RIPK1: variants seen among roughly 807,000 people sequenced by gnomAD.
The protein encoded by RIPK1 is receptor interacting serine/threonine kinase 1, also known as receptor-interacting serine/threonine-protein kinase 1.
In RIPK1, 27 loss-of-function variants were observed where a neutral mutation model predicts 62.4. The observed-to-expected ratio is 0.43, with a 90% CI of 0.32 to 0.60. The LOEUF is 0.60. Among genes scored for constraint, RIPK1 ranks in the 20% least tolerant of loss-of-function variants. The probability of loss-of-function intolerance (pLI) is 0.07; values close to 1 mark genes in which losing one functional copy is unlikely to be tolerated. For missense variants in RIPK1, 735 were observed against 831.0 expected (o/e 0.88, Z 1.42); for synonymous variants, 287 against 303.2 (o/e 0.95, Z 0.55).
In RIPK1 at chr6:3,071,132, T is replaced by C. The variant is rs116598779; in HGVS notation, c.-61+2471T>C. Among the ~76,000 whole-genome samples, 966 of 152,330 alleles carry C rather than the reference T, an allele frequency of 6.3e-3. 9 individuals carry two copies. Among genetic ancestry groups the C allele is most frequent in the African/African-American group, 0.022 (919 of 41,562 alleles). On this transcript the variant is annotated intron_variant, in intron 1 of 10. Coordinates refer to ENST00000259808, the MANE Select transcript of RIPK1 (RefSeq NM_001354930.2). ...CAGGCAAAGCATCAGGCTGCTGTAA[T>C]CAAGGAAGTTGGAGAAATCCTCTGG...
chr6:3,087,055 C>A (rs1759734150), intron 6 of RIPK1, among the ~76,000 whole-genome samples: 1 of 152,242 alleles, frequency 6.6e-6, no homozygotes, highest in Non-Finnish European at 1.5e-5. Context: ...GTTTAGAGAA[C>A]TTTCCTTAAT....
chr6:3,068,825 C>T (rs904435466), intron 1 of RIPK1, 164 bp downstream of exon 1: 1 of 250,818 alleles, frequency 4.0e-6, no homozygotes, highest in Non-Finnish European at 6.3e-6. Context: ...TTCCCTCACC[C>T]GGGCCTCCAG....
At position 3,113,071 on chromosome 6, in the gene RIPK1, C is replaced by A; in HGVS notation, c.1748C>A (p.Thr583Lys). 6.4e-7 allele frequency: 1 copy of A among 1,567,954 alleles called. No individual in the cohort carries two copies. Residue 583 changes from threonine (T) to lysine (K), a missense_variant, in exon 11 of 11, where the codon ACG (threonine) becomes AAG (lysine). This residue lies in a region of RIPK1 where 671 missense variants were observed against 726.2 expected (regional missense o/e 0.92). Coordinates refer to ENST00000259808, the MANE Select transcript of RIPK1 (RefSeq NM_001354930.2). The surrounding 1 kb of genome is among the most constrained non-coding windows in gnomAD (Gnocchi z 5.0). ...QAIFDNTTSL[T>K]DKHLDPIREN... is the part of the protein sequence containing the mutation. ...TTGGCAGATAATACCACTAGTCTGA[C>A]GGATAAACACCTGGACCCAATCAGG...
intron 4 of RIPK1, among the ~76,000 whole-genome samples, chr6:3,082,336 T>A (rs1759435516): frequency 6.6e-6 from 1 of 152,348 alleles, no homozygotes; most frequent in East Asian, 1.9e-4. Flanking sequence ...AATCTGTGAA[T>A]TTTAGGTACT....
chr6:3,080,890 G>A, intron 3 of RIPK1, 89 bp from the exon 4 acceptor site: 1 of 1,329,284 alleles, frequency 7.5e-7, no homozygotes, highest in East Asian at 2.3e-5. Flanking sequence ...TTCTCCTCAG[G>A]CTCAGATCCC....
At chr6:3,080,053 A>C (rs893039951) in intron 3 of RIPK1, among the ~76,000 whole-genome samples, 4 of 152,220 alleles carry the variant, frequency 2.6e-5, no homozygotes, top group African/African-American at 9.6e-5. Flanking sequence ...CCTAAGTCCA[A>C]AGGTATACCA....
intron 9 of RIPK1, among the ~76,000 whole-genome samples, chr6:3,106,288 A>T (rs1011875184): frequency 1.3e-5 from 2 of 152,150 alleles, no homozygotes; most frequent in African/African-American, 4.8e-5. Flanking sequence ...GGTCCTTGTG[A>T]CTGGCAGGCA....
intron 4 of RIPK1, among the ~76,000 whole-genome samples, chr6:3,081,629 G>A (rs1759385101): frequency 6.6e-6 from 1 of 152,100 alleles, no homozygotes; most frequent in Non-Finnish European, 1.5e-5. Context: ...GGGAGGCTGA[G>A]GTGGGCGGAT....
chr6:3,096,601 C>T (rs1760319277), intron 7 of RIPK1, among the ~76,000 whole-genome samples: 1 of 140,618 alleles, frequency 7.1e-6, no homozygotes, highest in African/African-American at 2.7e-5. Flanking sequence ...GCTCTGTCTC[C>T]CAGGCTGGAG....
rs113936798 is a variant in RIPK1 at position 3,098,881 on chromosome 6, C to T, written c.916-5344C>T. Among the ~76,000 whole-genome samples, 804 of 152,316 alleles carry T rather than the reference C, an allele frequency of 5.3e-3. 7 individuals are homozygous for T. The highest frequency in any genetic ancestry group is 0.019 in the African/African-American group (787 of 41,570). On this transcript the variant is annotated intron_variant, in intron 7 of 10. Transcript: ENST00000259808. The stretch of plus-strand genomic sequence containing the variant: ...CAGCCGGGAGCACTGAGCAAATGCC[C>T]CTCAGGCTTGTCCCACGTCAGACTG...
rs112979664 is a variant in RIPK1, at chr6:3,096,550, G to GTT, written c.915+6919_915+6920dup. ...AATGCAATCTCAACCAATATCTCAAGTTTTTTTTTTTTTTTTTTTTTTTTT... is the reference window on the plus strand; with the variant it reads ...AATGCAATCTCAACCAATATCTCAAGTTTTTTTTTTTTTTTTTTTTTTTTTTT... On this transcript the variant is annotated intron_variant, in intron 7 of 10. Coordinates refer to ENST00000259808, the MANE Select transcript of RIPK1 (RefSeq NM_001354930.2). Among the ~76,000 whole-genome samples the GTT allele has an allele frequency of 5.1e-3, 498 of 98,456 alleles. 43 individuals are homozygous for GTT. Among genetic ancestry groups the GTT allele is most frequent in the African/African-American group, 0.013 (329 of 24,990 alleles). The allele number at this position is 98,456 out of a possible 152,430, so 64.6% of individuals were successfully genotyped here.
chr6:3,101,816 AC>A (rs1460437927), intron 7 of RIPK1, among the ~76,000 whole-genome samples: 1 of 152,240 alleles, frequency 6.6e-6, no homozygotes, highest in Non-Finnish European at 1.5e-5. Context: ...CTCTATTTTA[AC>A]CATTTTTAAG....
In RIPK1 at chr6:3,095,446, CTTTGTGTAA is replaced by C. The variant is rs1450156549; in HGVS notation, c.915+5790_915+5798del. 5.9e-5 allele frequency among the ~76,000 whole-genome samples: 9 copies of C among 152,278 alleles called. No homozygotes were observed. The East Asian group carries it at 1.7e-3, about 29-fold the overall frequency. On this transcript the variant is annotated intron_variant, in intron 7 of 10. Coordinates refer to ENST00000259808, the MANE Select transcript of RIPK1 (RefSeq NM_001354930.2). ...AGAAGAGAGAACTCTTCCAGATTCACTTTGTGTAAGCATAACCTTGATTCCCAAAACTGG... is the reference window on the plus strand; with the variant it reads ...AGAAGAGAGAACTCTTCCAGATTCACGCATAACCTTGATTCCCAAAACTGG...
At chr6:3,094,716 A>G (rs1760194125) in intron 7 of RIPK1, among the ~76,000 whole-genome samples, 1 of 152,054 alleles carries the variant, frequency 6.6e-6, no homozygotes, top group African/African-American at 2.4e-5. Context: ...CGCAGAAAGT[A>G]ACTAACAGCG....
chr6:3,073,322 T>C (rs1758857200), intron 1 of RIPK1, among the ~76,000 whole-genome samples: 2 of 151,984 alleles, frequency 1.3e-5, no homozygotes, highest in Admixed American at 1.3e-4. Flanking sequence ...GTATACTTTT[T>C]TTTTCTCATA....
At position 3,113,414 on chromosome 6, in the gene RIPK1, C is replaced by G. The variant is rs1162012950; in HGVS notation, c.*75C>G. ...CCCCAGAAAGTTGGCTGCCTCAGAGCATTCAGAATTCTGTCCTCACTGATA... is the reference window on the plus strand; with the variant it reads ...CCCCAGAAAGTTGGCTGCCTCAGAGGATTCAGAATTCTGTCCTCACTGATA... On this transcript the variant is annotated 3_prime_UTR_variant, in exon 11 of 11. Transcript: ENST00000259808. The surrounding 1 kb of genome is among the most constrained non-coding windows in gnomAD (Gnocchi z 5.0). 2.8e-6 allele frequency: 4 copies of G among 1,428,470 alleles called. No individual in the cohort carries two copies. In the African/African-American group the frequency reaches 5.7e-5, roughly 20 times the overall value. 88.5% of individuals were successfully genotyped at this position (1,428,470 alleles called of 1,614,324 possible).
chr6:3,096,471 G>A lies in RIPK1; in HGVS notation c.915+6814G>A, dbSNP rs374000500. On this transcript the variant is annotated intron_variant, in intron 7 of 10. Coordinates refer to ENST00000259808, the MANE Select transcript of RIPK1 (RefSeq NM_001354930.2). ...AAATATACCATTTACTTTGTGATTC[G>A]GAAGTCACCATAGTACGAAGATGTC... Among the ~76,000 whole-genome samples, 6 of 151,422 alleles carry A rather than the reference G, an allele frequency of 4.0e-5. No homozygotes were observed. In the South Asian group the frequency reaches 8.4e-4, roughly 21 times the overall value.
Position 3,072,953 on chromosome 6 carries a change from G to GC in RIPK1, c.-60-3808dup, listed in dbSNP as rs1387815910. Among the ~76,000 whole-genome samples the GC allele has an allele frequency of 3.9e-5, 6 of 152,146 alleles. No individual in the cohort carries two copies. The highest frequency in any genetic ancestry group is 1.4e-4 in the African/African-American group (6 of 41,418). On this transcript the variant is annotated intron_variant, in intron 1 of 10. Coordinates refer to ENST00000259808, the MANE Select transcript of RIPK1 (RefSeq NM_001354930.2). This position sits in a 1 kb window ranked among gnomAD's most constrained non-coding sequence, Gnocchi z 5.6. The stretch of plus-strand genomic sequence containing the variant: ...ATTCTCACTAGGATTGGTCAGTAGG[G>GC]CCCTGCTGACAGAGTGATCCCAGCT...
intron 6 of RIPK1, among the ~76,000 whole-genome samples, chr6:3,088,036 A>G (rs1581405681): frequency 6.6e-6 from 1 of 152,254 alleles, no homozygotes; most frequent in African/African-American, 2.4e-5. Context: ...ATTGGCATCT[A>G]TTGATTGTCT....
Sources: gnomAD v4.1 joint callset for allele counts (sites outside exome capture counted in the v4.1 genomes callset) on GRCh38, gnomAD v4.1.1 for gene constraint, gnomAD v4.1.1 regional missense constraint, Gnocchi (gnomAD v3.1) non-coding constraint, MANE v1.5 for transcripts, NCBI Gene and HGNC (gene_info 2026-07-23, HGNC 2026-07-21) for gene names.